The following FANCC variants were observed in gnomAD, a reference collection of about 807,000 sequenced individuals.
FANCC encodes the protein Fanconi anemia group C protein.
FANCC carries 55 observed loss-of-function variants against 71.3 expected under a neutral mutation model. The ratio of observed to expected loss-of-function variants is 0.77; its 90% CI spans 0.62 to 0.97. The LOEUF is 0.97. Among genes scored for constraint, FANCC ranks in the 50% least tolerant of loss-of-function variants. The pLI is 0.00. For missense variants in FANCC, 678 were observed against 670.9 expected, an observed-to-expected ratio of 1.01 and a Z score of -0.12; for synonymous variants, 275 against 244.9, an observed-to-expected ratio of 1.12 and a Z score of -1.15.
At chr9:95,137,249 T>A (rs1157436259) in intron 7 of FANCC, among the ~76,000 whole-genome samples, 1 of 152,092 alleles carries the variant, frequency 6.6e-6, no homozygotes, top group East Asian at 1.9e-4. Context: ...TCCTAGAGGT[T>A]TCACTTTTTC....
At chr9:95,153,679 CTTGAT>C (rs1327687488) in intron 6 of FANCC, among the ~76,000 whole-genome samples, 3 of 152,118 alleles carry the variant, frequency 2.0e-5, no homozygotes, top group Admixed American at 2.0e-4. Context: ...TTGCTTTTTT[CTTGAT>C]TTGAGTTCCT....
chr9:95,106,578 C>T (rs1198257421), intron 14 of FANCC, among the ~76,000 whole-genome samples: 1 of 152,190 alleles, frequency 6.6e-6, no homozygotes, highest in Admixed American at 6.5e-5. Context: ...TTGACTTGGA[C>T]CGTTTTTTAC....
chr9:95,135,902 G>T (rs45601436), intron 7 of FANCC, among the ~76,000 whole-genome samples: 3 of 152,104 alleles, frequency 2.0e-5, no homozygotes, highest in Admixed American at 6.6e-5. Context: ...CCTGGGTTTC[G>T]GTCCCAGCGC....
In FANCC at chr9:95,128,838, G is replaced by T. The variant is rs566116093; in HGVS notation, c.844-2257C>A. 3.9e-5 allele frequency among the ~76,000 whole-genome samples: 6 copies of T among 152,052 alleles called. No homozygotes were observed. The East Asian group carries it at 1.2e-3, about 29-fold the overall frequency. On this transcript the variant is annotated intron_variant, in intron 8 of 14. Transcript: ENST00000289081. ...CAACCCATTTTAGCTTTTAAAACAG[G>T]TAAGAGGCCAGGAGGCAGGGGAACC...
chr9:95,108,924 G>A (rs62581079), intron 13 of FANCC, among the ~76,000 whole-genome samples: 1 of 132,200 alleles, frequency 7.6e-6, no homozygotes, highest in Non-Finnish European at 1.6e-5. Flanking sequence ...TTTTTTTTTG[G>A]AGACAGAGCC....
intron 4 of FANCC, among the ~76,000 whole-genome samples, chr9:95,238,657 C>T (rs1232227514): frequency 6.6e-6 from 1 of 152,018 alleles, no homozygotes; most frequent in Non-Finnish European, 1.5e-5. Context: ...CCTCTGCCTC[C>T]CAGGTTCAAG....
chr9:95,271,853 T>C (rs1385708632), intron 1 of FANCC, among the ~76,000 whole-genome samples: 2 of 150,856 alleles, frequency 1.3e-5, no homozygotes, highest in Non-Finnish European at 3.0e-5. Context: ...GCCTTAAAAG[T>C]TTATCACCTG....
chr9:95,195,193 T>C (rs1337811509), intron 4 of FANCC, among the ~76,000 whole-genome samples: 7 of 79,058 alleles, frequency 8.9e-5, no homozygotes, highest in Non-Finnish European at 1.5e-4. Context: ...TGAGACTCCG[T>C]CTCAAAAAAA....
At chr9:95,224,742 A>G (rs1287021636) in intron 4 of FANCC, among the ~76,000 whole-genome samples, 1 of 152,188 alleles carries the variant, frequency 6.6e-6, no homozygotes, top group Non-Finnish European at 1.5e-5. Context: ...GAATGAGGGT[A>G]AGTAATTTGT....
chr9:95,135,893 C>T (rs1372900432), intron 7 of FANCC, among the ~76,000 whole-genome samples: 1 of 152,180 alleles, frequency 6.6e-6, no homozygotes, highest in African/African-American at 2.4e-5. Flanking sequence ...GGATGCGGAC[C>T]TGGGTTTCGG....
chr9:95,197,160 A>G (rs1432904864), intron 4 of FANCC, among the ~76,000 whole-genome samples: 2 of 152,160 alleles, frequency 1.3e-5, no homozygotes, highest in Non-Finnish European at 2.9e-5. Context: ...ATATGCCTAC[A>G]ATATTTCCAC....
In FANCC at chr9:95,243,650, T is replaced by C. The variant is rs4647431; in HGVS notation, c.251-2907A>G. Among the ~76,000 whole-genome samples, 1,285 of 149,218 alleles carry C rather than the reference T, an allele frequency of 8.6e-3. 18 individuals are homozygous for C. The highest frequency in any genetic ancestry group is 0.012 in the Non-Finnish European group (811 of 67,462). ...ATACAAAAAAAAAAAACAGATTAGC[T>C]GGGCGTGGTAGCGGGCGCCTGTAGT... On this transcript the variant is annotated intron_variant, in intron 3 of 14. Transcript: ENST00000289081.
intron 11 of FANCC, 121 bp from the exon 12 acceptor site, chr9:95,114,831 C>G: frequency 1.2e-6 from 1 of 811,504 alleles, no homozygotes; most frequent in Admixed American, 1.9e-5. Context: ...GTTCACGGAA[C>G]CCAATACTGT....
intron 1 of FANCC, among the ~76,000 whole-genome samples, chr9:95,252,831 T>C (rs1831434579): frequency 6.7e-6 from 1 of 149,992 alleles, no homozygotes; most frequent in Non-Finnish European, 1.5e-5. Context: ...GGAGCATCGC[T>C]TGAGGCCAGG....
chr9:95,305,053 G>A (rs1237375403), intron 1 of FANCC, among the ~76,000 whole-genome samples: 1 of 152,088 alleles, frequency 6.6e-6, no homozygotes, highest in African/African-American at 2.4e-5. Flanking sequence ...AGAGCACTGA[G>A]GATCGCTTAC....
At chr9:95,220,896 T>G (rs1829213970) in intron 4 of FANCC, among the ~76,000 whole-genome samples, 1 of 150,322 alleles carries the variant, frequency 6.7e-6, no homozygotes, top group Non-Finnish European at 1.5e-5. Context: ...AATAAATAAA[T>G]AAAAGAAATA....
intron 1 of FANCC, among the ~76,000 whole-genome samples, chr9:95,314,016 G>A (rs1277593012): frequency 6.6e-6 from 1 of 152,176 alleles, no homozygotes; most frequent in East Asian, 1.9e-4. Context: ...CCCCTAAGAT[G>A]AGAAATAAGT....
At chr9:95,101,891 C>G (rs776413570) in intron 14 of FANCC, 41 bp from the exon 15 acceptor site, 2 of 1,612,196 alleles carry the variant, frequency 1.2e-6, no homozygotes, top group East Asian at 4.5e-5. Context: ...AAAACACTTT[C>G]CAGACAGATT....
intron 6 of FANCC, among the ~76,000 whole-genome samples, chr9:95,153,043 G>A (rs568054051): frequency 2.0e-5 from 3 of 152,294 alleles, no homozygotes; most frequent in South Asian, 2.1e-4. Flanking sequence ...CCACAGGTTC[G>A]ACAAGCTTGT....
Sources: gnomAD v4.1 joint callset for allele counts (sites outside exome capture counted in the v4.1 genomes callset) on GRCh38, gnomAD v4.1.1 for gene constraint, MANE v1.5 for transcripts, NCBI Gene and HGNC (gene_info 2026-07-23, HGNC 2026-07-21) for gene names.